ZMYM1: variants seen among roughly 807,000 people sequenced by gnomAD.
ZMYM1 encodes zinc finger MYM-type containing 1.
ZMYM1 carries 39 observed loss-of-function variants against 60.0 expected under a neutral mutation model. That is an observed-to-expected ratio of 0.65 (90% CI 0.50 to 0.85). ZMYM1 has a LOEUF of 0.85. Ranked by LOEUF, ZMYM1 falls within the 40% of genes least tolerant of loss-of-function variation. ZMYM1 has a pLI of 0.00. For synonymous variants in ZMYM1, 413 were observed against 454.0 expected, an observed-to-expected ratio of 0.91 and a Z score of 1.15; for missense variants, 1,171 against 1,309.5, an observed-to-expected ratio of 0.89 and a Z score of 1.63.
At chr1:35,062,808 T>G (rs927640746) in intron 1 of ZMYM1, among the ~76,000 whole-genome samples, 1 of 152,210 alleles carries the variant, frequency 6.6e-6, no homozygotes, top group Non-Finnish European at 1.5e-5. Flanking sequence ...ACCAGGGACC[T>G]CCCAAGATCT....
Position 35,114,593 on chromosome 1 carries a change from A to G in ZMYM1, c.2763A>G (p.Gln921=), listed in dbSNP as rs1304338049. 4 of 1,609,872 alleles carry G rather than the reference A, an allele frequency of 2.5e-6. No individual in the cohort carries two copies. The highest frequency in any genetic ancestry group is 3.4e-6 in the Non-Finnish European group (4 of 1,178,674). Residue 921 remains glutamine (Q), a synonymous_variant, in exon 10 of 10, where the codon CAA becomes CAG. Coordinates refer to ENST00000359858, the MANE Select transcript of ZMYM1 (RefSeq NM_024772.5). The part of the protein sequence containing the change: ...TIWDGTEEIC[Q]KITCKGFKVE... ...GGGATGGAACAGAGGAAATATGTCA[A>G]AAAATAACCTGTAAAGGTTTTAAAG...
rs535730247 is a variant in ZMYM1 at position 35,097,261 on chromosome 1, C to G, written c.170-56C>G. 3.2e-4 allele frequency: 479 copies of G among 1,515,784 alleles called. 5 individuals are homozygous for G. The highest frequency in any genetic ancestry group is 8.8e-6 in the Non-Finnish European group (10 of 1,130,046). 93.9% of individuals were successfully genotyped at this position (1,515,784 alleles called of 1,614,324 possible). ...AAGAAAGAAAGAAAATAAAGGAATG[C>G]CTACTTAATTTTGTGTAAATAACAA... On this transcript the variant is annotated intron_variant, in intron 3 of 9. Transcript: ENST00000359858.
upstream of ZMYM1, among the ~76,000 whole-genome samples, chr1:35,078,454 A>G (rs544381022): frequency 9.3e-5 from 14 of 149,952 alleles, no homozygotes; most frequent in South Asian, 2.9e-3. Context: ...AGTTCGTCCT[A>G]TACTTTTTTA....
rs764350525 is a variant in ZMYM1 at position 35,088,454 on chromosome 1, ATGTGTGTGTGTGTGTGTG to A, written c.-74-5430_-74-5413del. Among the ~76,000 whole-genome samples the A allele has an allele frequency of 8.6e-4, 92 of 107,250 alleles. 1 individual carries two copies. The highest frequency in any genetic ancestry group is 3.0e-3 in the African/African-American group (70 of 23,496). 70.4% of individuals were successfully genotyped at this position (107,250 alleles called of 152,430 possible). ...TATGTGTATATATATATATATATAT[ATGTGTGTGTGTGTGTGTG>A]TGTGTGTGTGTGTGTGTGTGTGTGT... On this transcript the variant is annotated intron_variant, in intron 1 of 9. Transcript: ENST00000359858.
chr1:35,080,549 C>T (rs1167094111), intron 1 of ZMYM1, among the ~76,000 whole-genome samples: 1 of 151,886 alleles, frequency 6.6e-6, no homozygotes. Flanking sequence ...ACTCCTGAAT[C>T]GAAGCAATCC....
At chr1:35,088,454 A>ATG (rs764350525) in intron 1 of ZMYM1, among the ~76,000 whole-genome samples, 162 of 107,230 alleles carry the variant, frequency 1.5e-3, no homozygotes, top group East Asian at 9.3e-3. Flanking sequence ...ATATATATAT[A>ATG]TGTGTGTGTG....
At chr1:35,064,302 A>C (rs918134470) in intron 1 of ZMYM1, among the ~76,000 whole-genome samples, 7 of 138,662 alleles carry the variant, frequency 5.0e-5, no homozygotes, top group Non-Finnish European at 8.9e-5. Context: ...CAAAAAAAAA[A>C]AAAAAAAAAA....
chr1:35,095,457 C>T (rs938566607), intron 2 of ZMYM1, among the ~76,000 whole-genome samples: 1 of 148,880 alleles, frequency 6.7e-6, no homozygotes, highest in Non-Finnish European at 1.5e-5. Context: ...CGTCACTGTA[C>T]TCCAGCCTGG....
chr1:35,113,686 G>A lies in ZMYM1; in HGVS notation c.1856G>A (p.Ser619Asn), dbSNP rs1644173139. ...VDFYNSTQIQ[S>N]DIIEIIKTEM... The stretch of plus-strand genomic sequence containing the variant: ...TTCTATAACAGTACACAAATTCAAA[G>A]TGATATTATCGAAATAATAAAGACT... Residue 619 changes from serine (S) to asparagine (N), a missense_variant, in exon 10 of 10, where the codon AGT (serine) becomes AAT (asparagine). Physicochemically the swap from Ser to Asn is conservative, Grantham distance 46 (BLOSUM62 1). Coordinates refer to ENST00000359858, the MANE Select transcript of ZMYM1 (RefSeq NM_024772.5). 6.2e-7 allele frequency: 1 copy of A among 1,613,450 alleles called. No homozygotes were observed. The highest frequency in any genetic ancestry group is 1.1e-5 in the South Asian group (1 of 90,958).
At chr1:35,092,830 G>A (rs879266149) in intron 1 of ZMYM1, among the ~76,000 whole-genome samples, 11 of 151,566 alleles carry the variant, frequency 7.3e-5, no homozygotes, top group Non-Finnish European at 1.3e-4. Flanking sequence ...TCAGCATGTT[G>A]ACCAGACTGG....
At chr1:35,078,142 A>G (rs1285838466), upstream of ZMYM1, among the ~76,000 whole-genome samples, 4 of 152,334 alleles carry the variant, frequency 2.6e-5, no homozygotes, top group East Asian at 7.7e-4. Flanking sequence ...ACAGATTATT[A>G]TGAATATTAG....
At chr1:35,087,735 T>C (rs1642735435) in intron 1 of ZMYM1, among the ~76,000 whole-genome samples, 1 of 151,810 alleles carries the variant, frequency 6.6e-6, no homozygotes, top group Non-Finnish European at 1.5e-5. Flanking sequence ...GCCTCGAAAC[T>C]TGCAGTTTCT....
intron 1 of ZMYM1, among the ~76,000 whole-genome samples, chr1:35,086,678 A>G (rs1207911120): frequency 6.6e-6 from 1 of 151,806 alleles, no homozygotes; most frequent in African/African-American, 2.4e-5. Context: ...TTTCAATTAA[A>G]AAATTCTTTT....
At chr1:35,106,671 T>C (rs1643898601) in intron 6 of ZMYM1, among the ~76,000 whole-genome samples, 1 of 141,536 alleles carries the variant, frequency 7.1e-6, no homozygotes, top group African/African-American at 2.7e-5. Flanking sequence ...ATAATTCAAA[T>C]AGATCATTTG....
At chr1:35,064,449 T>C (rs1641933120) in intron 1 of ZMYM1, among the ~76,000 whole-genome samples, 2 of 151,744 alleles carry the variant, frequency 1.3e-5, no homozygotes, top group Non-Finnish European at 2.9e-5. Flanking sequence ...CATCAAACAA[T>C]TGGATCTAAT....
chr1:35,079,070 A>C (rs1209819073), upstream of ZMYM1: 3 of 152,170 alleles, frequency 2.0e-5, no homozygotes, highest in Non-Finnish European at 4.4e-5. Flanking sequence ...AGGTCGAAGA[A>C]ATGGAGATTT....
chr1:35,117,760 G>T (rs1644263225), downstream of ZMYM1, among the ~76,000 whole-genome samples: 1 of 151,888 alleles, frequency 6.6e-6, no homozygotes, highest in South Asian at 2.1e-4. Context: ...GACTAACATG[G>T]AGAAACCCCG....
chr1:35,067,112 G>A (rs1641985255), intron 1 of ZMYM1, among the ~76,000 whole-genome samples: 1 of 152,014 alleles, frequency 6.6e-6, no homozygotes, highest in Admixed American at 6.6e-5. Flanking sequence ...CTGAGTAGCT[G>A]GGATTACAGG....
In ZMYM1 at chr1:35,104,717, A is replaced by G. The variant is rs1020285310; in HGVS notation, c.755A>G (p.Glu252Gly). 1.2e-6 allele frequency: 2 copies of G among 1,614,200 alleles called. No individual in the cohort carries two copies. Among genetic ancestry groups the G allele is most frequent in the Non-Finnish European group, 1.7e-6 (2 of 1,180,028 alleles). The change falls in exon 6 of 10, where the codon GAA becomes GGA. Residue 252 changes from glutamate to glycine, a missense_variant. Coordinates refer to ENST00000359858, the MANE Select transcript of ZMYM1 (RefSeq NM_024772.5). ...AGTCTGTCCCACATACTTCAGATGG[A>G]AGGACAGTCTCATTACTTTAATAGT... ...SSSLSHILQM[E>G]GQSHYFNSSK...
Sources: gnomAD v4.1 joint callset for allele counts (sites outside exome capture counted in the v4.1 genomes callset) on GRCh38, gnomAD v4.1.1 for gene constraint, MANE v1.5 for transcripts, NCBI Gene and HGNC (gene_info 2026-07-23, HGNC 2026-07-21) for gene names.